The following GNAI1 variants were observed in gnomAD, a reference collection of about 807,000 sequenced individuals.
GNAI1 encodes the protein guanine nucleotide-binding protein G(i) subunit alpha-1.
GNAI1 carries 11 observed loss-of-function variants against 38.9 expected under a neutral mutation model. That is an observed-to-expected ratio of 0.28 (90% CI 0.18 to 0.47). GNAI1 has a LOEUF of 0.47. Among genes scored for constraint, GNAI1 ranks in the 20% least tolerant of loss-of-function variants. The pLI is 0.99. For missense variants in GNAI1, 317 were observed against 436.9 expected, an observed-to-expected ratio of 0.73 and a Z score of 2.45; for synonymous variants, 166 against 145.1, an observed-to-expected ratio of 1.14 and a Z score of -1.04.
At chr7:80,203,224 G>A (rs773937904) in intron 4 of GNAI1, among the ~76,000 whole-genome samples, 3 of 152,144 alleles carry the variant, frequency 2.0e-5, no homozygotes, top group Non-Finnish European at 2.9e-5. Context: ...CATAAGACTG[G>A]TTGAAAAGAA....
intron 1 of GNAI1, among the ~76,000 whole-genome samples, chr7:80,186,363 CT>C (rs1044443936): frequency 2.6e-5 from 4 of 152,062 alleles, no homozygotes; most frequent in Non-Finnish European, 2.9e-5. Flanking sequence ...GATTTCAGGA[CT>C]TTTTGAACCA....
intron 1 of GNAI1, among the ~76,000 whole-genome samples, chr7:80,179,181 A>G (rs926749302): frequency 3.3e-5 from 5 of 152,182 alleles, no homozygotes; most frequent in Non-Finnish European, 7.4e-5. Context: ...TAGCAACTTA[A>G]TGACTGTGTT....
rs534498541 is a variant in GNAI1, at chr7:80,156,449, G to A, written c.118+21171G>A. On this transcript the variant is annotated intron_variant, in intron 1 of 7. Coordinates refer to ENST00000649796, the MANE Select transcript of GNAI1 (RefSeq NM_002069.6). ...TAAAGGAAAGCTTTTTTTTTTTTGAGATGGTGTCTTGCTGTGTTGCCTAGG... is the reference window on the plus strand; with the variant it reads ...TAAAGGAAAGCTTTTTTTTTTTTGAAATGGTGTCTTGCTGTGTTGCCTAGG... Among the ~76,000 whole-genome samples the A allele has an allele frequency of 2.5e-4, 38 of 149,804 alleles. 1 individual carries two copies. In the South Asian group the frequency reaches 7.1e-3, roughly 28 times the overall value.
chr7:80,205,216 A>C (rs374121593), intron 5 of GNAI1, among the ~76,000 whole-genome samples: 1 of 152,288 alleles, frequency 6.6e-6, no homozygotes, highest in Admixed American at 6.5e-5. Flanking sequence ...CCTATACCAA[A>C]TATTCCTGGA....
chr7:80,206,765 C>T (rs1483189887), intron 5 of GNAI1, among the ~76,000 whole-genome samples: 1 of 151,862 alleles, frequency 6.6e-6, no homozygotes, highest in African/African-American at 2.4e-5. Flanking sequence ...AGTACTGAAC[C>T]CTATATACAC....
At position 80,135,173 on chromosome 7, in the gene GNAI1, C is replaced by A; in HGVS notation, c.13C>A (p.Leu5Met). The change falls in exon 1 of 8, where the codon CTG (leucine) becomes ATG (methionine). Residue 5 changes from leucine to methionine, a missense_variant. This residue lies in a region of GNAI1 where 37 missense variants were observed against 26.2 expected (regional missense o/e 1.41). Coordinates refer to ENST00000649796, the MANE Select transcript of GNAI1 (RefSeq NM_002069.6). Reference sequence around the variant, plus strand: ...CGCTTTCGGCACCATGGGCTGCACGCTGAGCGCCGAGGACAAGGCGGCGGT... The same window carrying A: ...CGCTTTCGGCACCATGGGCTGCACGATGAGCGCCGAGGACAAGGCGGCGGT... Reference protein sequence around the residue: MGCTLSAEDKAAVER... With the variant: MGCTMSAEDKAAVER... 6.5e-7 allele frequency: 1 copy of A among 1,536,908 alleles called. No individual in the cohort carries two copies. Among genetic ancestry groups the A allele is most frequent in the Non-Finnish European group, 8.8e-7 (1 of 1,142,426 alleles).
chr7:80,151,717 C>T (rs372281469), intron 1 of GNAI1, among the ~76,000 whole-genome samples: 10 of 152,234 alleles, frequency 6.6e-5, no homozygotes, highest in African/African-American at 1.7e-4. Context: ...AACTTTCAAA[C>T]TGCCTAAGTG....
intron 1 of GNAI1, among the ~76,000 whole-genome samples, chr7:80,144,918 G>T (rs1005693741): frequency 2.0e-5 from 3 of 152,184 alleles, no homozygotes; most frequent in South Asian, 4.1e-4. Flanking sequence ...TGTATGCAAG[G>T]TATATTTTGT....
At position 80,223,292 on chromosome 7, in the gene GNAI1, A is replaced by G. The variant is rs1295387699; in HGVS notation, c.*5799A>G. Reference sequence around the variant, plus strand: ...CAAACACACTATCTGTGTATTCTCTATTTTACCAGGATTTTTTGTTTTTGC... The same window carrying G: ...CAAACACACTATCTGTGTATTCTCTGTTTTACCAGGATTTTTTGTTTTTGC... On this transcript the variant is annotated 3_prime_UTR_variant, in exon 8 of 8. Coordinates refer to ENST00000649796, the MANE Select transcript of GNAI1 (RefSeq NM_002069.6). Among the ~76,000 whole-genome samples the G allele has an allele frequency of 2.0e-5, 3 of 151,932 alleles. No individual in the cohort carries two copies. The highest frequency in any genetic ancestry group is 7.3e-5 in the African/African-American group (3 of 41,258).
At chr7:80,147,399 G>A (rs1179478821) in intron 1 of GNAI1, among the ~76,000 whole-genome samples, 1 of 150,304 alleles carries the variant, frequency 6.7e-6, no homozygotes, top group Non-Finnish European at 1.5e-5. Context: ...AGACACAGGA[G>A]CTCTCTTGCT....
At chr7:80,181,858 A>G (rs1002130334) in intron 1 of GNAI1, among the ~76,000 whole-genome samples, 6 of 152,166 alleles carry the variant, frequency 3.9e-5, no homozygotes, top group African/African-American at 1.2e-4. Flanking sequence ...CGTATCCATC[A>G]TCTTGCATAC....
At chr7:80,167,377 G>A (rs906661820) in intron 1 of GNAI1, among the ~76,000 whole-genome samples, 1 of 152,214 alleles carries the variant, frequency 6.6e-6, no homozygotes, top group African/African-American at 2.4e-5. Flanking sequence ...TGTCACAAAA[G>A]TGAAGATGGA....
chr7:80,182,565 T>G (rs1788313453), intron 1 of GNAI1, among the ~76,000 whole-genome samples: 1 of 152,222 alleles, frequency 6.6e-6, no homozygotes, highest in South Asian at 2.1e-4. Context: ...AGTTCAGAGC[T>G]TCTTAGAACT....
Position 80,134,949 on chromosome 7 carries a change from A to C in GNAI1, c.-212A>C. On this transcript the variant is annotated 5_prime_UTR_variant, in exon 1 of 8. Transcript: ENST00000649796. ...TTGGGGGCGCTGAGCCGGGCCGGGA[A>C]GCAGAGCCTGGTCGTGAGGAACAGC... is the stretch of plus-strand genomic sequence containing the variant. 2.6e-6 allele frequency: 1 copy of C among 384,070 alleles called. No homozygotes were observed. Among genetic ancestry groups the C allele is most frequent in the Non-Finnish European group, 4.6e-6 (1 of 217,170 alleles). The allele number at this position is 384,070 out of a possible 1,614,324, so 23.8% of individuals were successfully genotyped here.
chr7:80,171,873 A>C (rs1788103748), intron 1 of GNAI1, among the ~76,000 whole-genome samples: 1 of 152,154 alleles, frequency 6.6e-6, no homozygotes, highest in Admixed American at 6.5e-5. Flanking sequence ...CAAATGAAAT[A>C]GTTTGTTTTG....
chr7:80,141,067 T>TC (rs1364856737), intron 1 of GNAI1, among the ~76,000 whole-genome samples: 4 of 152,214 alleles, frequency 2.6e-5, no homozygotes, highest in Admixed American at 6.5e-5. Context: ...ACCCACATAA[T>TC]CCAAGTTAAT....
intron 1 of GNAI1, among the ~76,000 whole-genome samples, chr7:80,152,237 T>C (rs1280583531): frequency 2.0e-5 from 3 of 152,226 alleles, no homozygotes; most frequent in Non-Finnish European, 2.9e-5. Context: ...TCTTTCCTTA[T>C]GTTATTTCAT....
At chr7:80,163,992 A>T (rs918211775) in intron 1 of GNAI1, among the ~76,000 whole-genome samples, 1 of 84,522 alleles carries the variant, frequency 1.2e-5, no homozygotes, top group African/African-American at 4.7e-5. Context: ...TGGTGGGGGG[A>T]CCGAGTCTCT....
At chr7:80,161,618 A>G (rs1787924673) in intron 1 of GNAI1, among the ~76,000 whole-genome samples, 1 of 152,210 alleles carries the variant, frequency 6.6e-6, no homozygotes, top group East Asian at 1.9e-4. Context: ...TGGCTGTGCA[A>G]TATAAACTCT....
Sources: gnomAD v4.1 joint callset for allele counts (sites outside exome capture counted in the v4.1 genomes callset) on GRCh38, gnomAD v4.1.1 for gene constraint, gnomAD v4.1.1 regional missense constraint, MANE v1.5 for transcripts, NCBI Gene and HGNC (gene_info 2026-07-23, HGNC 2026-07-21) for gene names.